FRK: variants seen among roughly 807,000 people sequenced by gnomAD.
FRK encodes fyn related Src family tyrosine kinase, also known as tyrosine-protein kinase FRK.
A neutral mutation model predicts 56.4 loss-of-function variants in FRK; 51 were observed. The ratio of observed to expected loss-of-function variants is 0.90; its 90% CI spans 0.72 to 1.14. FRK has a LOEUF of 1.14. FRK is among the 50% of genes most tolerant of loss of function. The pLI is 0.00. For missense variants in FRK, 570 were observed against 601.4 expected (o/e 0.95, Z 0.55); for synonymous variants, 245 against 217.9 (o/e 1.12, Z -1.10).
At chr6:116,021,151 A>T (rs1562289852) in intron 1 of FRK, among the ~76,000 whole-genome samples, 1 of 151,816 alleles carries the variant, frequency 6.6e-6, no homozygotes, top group South Asian at 2.1e-4. Flanking sequence ...TGAAAAAATA[A>T]ATATTTATGG....
upstream of FRK, among the ~76,000 whole-genome samples, chr6:116,061,162 G>A (rs1052478945): frequency 2.0e-5 from 3 of 152,098 alleles, no homozygotes; most frequent in African/African-American, 4.8e-5. Context: ...GCCACCACTA[G>A]GGGAAATTTA....
At chr6:116,017,389 C>G (rs1775696538) in intron 1 of FRK, among the ~76,000 whole-genome samples, 1 of 152,190 alleles carries the variant, frequency 6.6e-6, no homozygotes, top group African/African-American at 2.4e-5. Flanking sequence ...AAACACCGAG[C>G]TGTAACCAAT....
intron 5 of FRK, among the ~76,000 whole-genome samples, chr6:115,948,860 T>C (rs964672032): frequency 5.3e-5 from 8 of 152,186 alleles, no homozygotes; most frequent in Non-Finnish European, 1.0e-4. Context: ...ATCAGTGCTA[T>C]GAATATAGTT....
At chr6:115,946,909 G>C (rs1772478051) in intron 5 of FRK, among the ~76,000 whole-genome samples, 1 of 152,098 alleles carries the variant, frequency 6.6e-6, no homozygotes. Flanking sequence ...TGGTGATTTT[G>C]GGGATAGGAA....
chr6:115,943,074 A>C lies in FRK; in HGVS notation c.1252T>G (p.Ser418Ala). Residue 418 changes from serine (S) to alanine (A), a missense_variant, in exon 7 of 8, where the codon TCA becomes GCA. Ser to Ala is a moderately conservative substitution (Grantham distance 99). Transcript: ENST00000606080. ...NKFSIKSDVW[S>A]FGILLYEIIT... ...ATTTCATAAAGAAGGATTCCAAATG[A>C]CCATACATCGGACTTAATGCTGAAT... 1 of 1,613,374 alleles carries C rather than the reference A, an allele frequency of 6.2e-7. No homozygotes were observed. Among genetic ancestry groups the C allele is most frequent in the Admixed American group, 1.7e-5 (1 of 59,836 alleles).
the FRK span, among the ~76,000 whole-genome samples, chr6:116,089,159 C>G: frequency 2.0e-5 from 3 of 152,118 alleles, no homozygotes; most frequent in South Asian, 6.2e-4. Flanking sequence ...TCCCATAATC[C>G]CTCAGAGACA....
chr6:116,004,707 C>T (rs1226738405), intron 1 of FRK, among the ~76,000 whole-genome samples: 1 of 152,232 alleles, frequency 6.6e-6, no homozygotes, highest in South Asian at 2.1e-4. Flanking sequence ...GAGTCAGATA[C>T]TGAACACACA....
chr6:115,935,415 G>T lies in FRK; in HGVS notation c.*6999C>A, dbSNP rs764903655. ...CCCTGGGTGTCAAGCACAAAACTGG[G>T]CAGCCATTTGGGCAGACACTGAACT... is the stretch of plus-strand genomic sequence containing the variant. On this transcript the variant is annotated 3_prime_UTR_variant, in exon 8 of 8. Coordinates refer to ENST00000606080, the MANE Select transcript of FRK (RefSeq NM_002031.3). 6.5e-6 allele frequency: 1 copy of T among 152,898 alleles called. No individual in the cohort carries two copies. Among genetic ancestry groups the T allele is most frequent in the Admixed American group, 6.5e-5 (1 of 15,290 alleles). The allele number at this position is 152,898 out of a possible 1,614,324, so 9.5% of individuals were successfully genotyped here.
chr6:115,981,031 T>C (rs761913975), intron 2 of FRK, among the ~76,000 whole-genome samples: 31 of 152,140 alleles, frequency 2.0e-4, no homozygotes, highest in Non-Finnish European at 4.0e-4. Flanking sequence ...TGGAGATATA[T>C]GGAAATACAT....
intron 2 of FRK, among the ~76,000 whole-genome samples, chr6:115,974,857 C>T (rs781149580): frequency 6.6e-6 from 1 of 152,128 alleles, no homozygotes; most frequent in Non-Finnish European, 1.5e-5. Context: ...TCTATCCACT[C>T]GAGCTCCTCC....
At chr6:116,096,074 G>A in the FRK span, among the ~76,000 whole-genome samples, 7 of 152,140 alleles carry the variant, frequency 4.6e-5, no homozygotes, top group Admixed American at 3.3e-4. Flanking sequence ...GTTCCTCTAG[G>A]ATCACGGCCA....
At chr6:116,015,453 C>A (rs766774450) in intron 1 of FRK, among the ~76,000 whole-genome samples, 1 of 152,030 alleles carries the variant, frequency 6.6e-6, no homozygotes, top group Non-Finnish European at 1.5e-5. Flanking sequence ...TGTGTGAGAA[C>A]GGACTAATAC....
chr6:115,973,609 C>T (rs1773887962), intron 2 of FRK, among the ~76,000 whole-genome samples: 1 of 152,088 alleles, frequency 6.6e-6, no homozygotes, highest in Non-Finnish European at 1.5e-5. Flanking sequence ...GTGGCTCATG[C>T]CTGTAATCCC....
chr6:116,018,708 A>C lies in FRK; in HGVS notation c.345-14710T>G, dbSNP rs368363970. ...CTGCCTCAATGACTGCCTTACTAGT[A>C]AGCATATTGCAATTAAATAAAATTT... On this transcript the variant is annotated intron_variant, in intron 1 of 7. Transcript: ENST00000606080. Among the ~76,000 whole-genome samples the C allele has an allele frequency of 2.8e-4, 43 of 152,298 alleles. 1 individual carries two copies. In the East Asian group the frequency reaches 7.9e-3, roughly 28 times the overall value.
chr6:115,974,235 A>G (rs1282813925), intron 2 of FRK, among the ~76,000 whole-genome samples: 1 of 152,204 alleles, frequency 6.6e-6, no homozygotes, highest in East Asian at 1.9e-4. Flanking sequence ...ATAGTGCACC[A>G]CAAAAGATCT....
chr6:116,044,974 C>T (rs1464623318), intron 1 of FRK, among the ~76,000 whole-genome samples: 1 of 152,182 alleles, frequency 6.6e-6, no homozygotes, highest in African/African-American at 2.4e-5. Context: ...AGTGAACTCT[C>T]ATTCACAATT....
At position 115,998,531 on chromosome 6, in the gene FRK, T is replaced by C. The variant is rs138586584; in HGVS notation, c.466+5346A>G. The stretch of plus-strand genomic sequence containing the variant: ...ACAAAACACCAGAAAAACTCACAAC[T>C]CTGTGCATTTGTCTTTGCCAGAAAT... On this transcript the variant is annotated intron_variant, in intron 2 of 7. Transcript: ENST00000606080. Among the ~76,000 whole-genome samples, 421 of 152,266 alleles carry C rather than the reference T, an allele frequency of 2.8e-3. 2 individuals carry two copies. Among genetic ancestry groups the C allele is most frequent in the African/African-American group, 9.2e-3 (381 of 41,548 alleles).
intron 1 of FRK, among the ~76,000 whole-genome samples, chr6:116,007,423 G>C (rs996027030): frequency 6.6e-6 from 1 of 152,188 alleles, no homozygotes; most frequent in African/African-American, 2.4e-5. Context: ...GGTGATGGTT[G>C]AGTCTGAAAT....
rs1338507 is a variant in FRK, at chr6:115,942,268, T to G, written c.*146A>C. The G allele has an allele frequency of 1.5e-6, 1 of 665,436 alleles. No homozygotes were observed. Among genetic ancestry groups the G allele is most frequent in the Non-Finnish European group, 2.6e-6 (1 of 391,430 alleles). 41.2% of individuals were successfully genotyped at this position (665,436 alleles called of 1,614,324 possible). A position where few individuals can be genotyped will look rare whatever the true frequency, so the allele number is the denominator to read the frequency against. ...CAGTCAATAAAATGCACAAATAATC[T>G]TTTTCATAATACATGGCCAACTTTA... On this transcript the variant is annotated 3_prime_UTR_variant, in exon 8 of 8. Transcript: ENST00000606080.
Sources: gnomAD v4.1 joint callset for allele counts (sites outside exome capture counted in the v4.1 genomes callset) on GRCh38, gnomAD v4.1.1 for gene constraint, MANE v1.5 for transcripts, NCBI Gene and HGNC (gene_info 2026-07-23, HGNC 2026-07-21) for gene names.